ATP8A2: variants seen among roughly 807,000 people sequenced by gnomAD.
ATP8A2 encodes ATPase phospholipid transporting 8A2, also known as phospholipid-transporting ATPase IB.
A neutral mutation model predicts 165.6 loss-of-function variants in ATP8A2; 100 were observed. The ratio of observed to expected loss-of-function variants is 0.60; its 90% confidence interval spans 0.51 to 0.71. The LOEUF is 0.71. Among genes scored for constraint, ATP8A2 ranks in the 30% least tolerant of loss-of-function variants. The pLI, the probability that ATP8A2 is intolerant of heterozygous loss-of-function variation, is 0.00. For missense variants in ATP8A2, 1,227 were observed against 1,479.5 expected, an observed-to-expected ratio of 0.83 and a Z score of 2.80; for synonymous variants, 543 against 548.8, an observed-to-expected ratio of 0.99 and a Z score of 0.15.
chr13:25,883,089 C>A (rs866368641), intron 33 of ATP8A2, among the ~76,000 whole-genome samples: 1 of 152,164 alleles, frequency 6.6e-6, no homozygotes, highest in South Asian at 2.1e-4. Context: ...CAGCCCTGCT[C>A]AAGATCACAC....
intron 1 of ATP8A2, among the ~76,000 whole-genome samples, chr13:25,418,280 T>C (rs1335223211): frequency 1.3e-5 from 2 of 152,196 alleles, no homozygotes; most frequent in South Asian, 2.1e-4. Flanking sequence ...AAAGGCTCTA[T>C]GTTAAAGCAG....
intron 33 of ATP8A2, among the ~76,000 whole-genome samples, chr13:25,914,975 C>T (rs892158065): frequency 4.6e-5 from 7 of 152,304 alleles, no homozygotes; most frequent in East Asian, 1.9e-4. Context: ...GTTAAGGTTT[C>T]GCCATGAAAG....
intron 35 of ATP8A2, among the ~76,000 whole-genome samples, chr13:25,975,853 T>C (rs1956024166): frequency 1.3e-5 from 2 of 152,186 alleles, no homozygotes; most frequent in Non-Finnish European, 2.9e-5. Context: ...ATACACAGCA[T>C]GCTTGTTTAT....
chr13:25,381,844 A>G (rs1385688790), intron 1 of ATP8A2, among the ~76,000 whole-genome samples: 1 of 152,168 alleles, frequency 6.6e-6, no homozygotes, highest in African/African-American at 2.4e-5. Context: ...ACGCAGGATG[A>G]TATGTTGACA....
At position 25,825,145 on chromosome 13, in the gene ATP8A2, C is replaced by CTT. The variant is rs60778003; in HGVS notation, c.2680-2945_2680-2944dup. 6.2e-4 allele frequency among the ~76,000 whole-genome samples: 17 copies of CTT among 27,508 alleles called. 6 individuals are homozygous for CTT. Among genetic ancestry groups the CTT allele is most frequent in the South Asian group, 3.9e-3 (2 of 514 alleles). The allele number at this position is 27,508 out of a possible 152,430, so 18.0% of individuals were successfully genotyped here. On this transcript the variant is annotated intron_variant, in intron 27 of 36. Coordinates refer to ENST00000381655, the MANE Select transcript of ATP8A2 (RefSeq NM_016529.6). ...CATAGTTTCATTGTGTATGTGTTTG[C>CTT]TTTTTTTTTTTTTTTTTTTTTTTTT...
chr13:25,582,974 A>G (rs1176793214), intron 23 of ATP8A2, among the ~76,000 whole-genome samples: 3 of 152,334 alleles, frequency 2.0e-5, no homozygotes, highest in African/African-American at 7.2e-5. Flanking sequence ...CTCACAAGAG[A>G]GTAACATAGG....
chr13:25,964,654 C>T (rs1243323670), intron 34 of ATP8A2, among the ~76,000 whole-genome samples: 1 of 152,136 alleles, frequency 6.6e-6, no homozygotes, highest in Non-Finnish European at 1.5e-5. Context: ...TCTACTGAGG[C>T]ACGATATCTG....
intron 35 of ATP8A2, among the ~76,000 whole-genome samples, chr13:25,983,510 G>T (rs745666258): frequency 1.1e-4 from 16 of 152,294 alleles, no homozygotes; most frequent in South Asian, 2.1e-4. Context: ...AAAAATGCCT[G>T]TGAGTAGGCA....
At position 25,400,065 on chromosome 13, in the gene ATP8A2, G is replaced by A. The variant is rs1566105547; in HGVS notation, c.76+27777G>A. Among the ~76,000 whole-genome samples, 3 of 63,830 alleles carry A rather than the reference G, an allele frequency of 4.7e-5. No homozygotes were observed. In the South Asian group the frequency reaches 1.4e-3, roughly 30 times the overall value. The allele number at this position is 63,830 out of a possible 152,430, so 41.9% of individuals were successfully genotyped here. A position where few individuals can be genotyped will look rare whatever the true frequency, so the allele number is the denominator to read the frequency against. On this transcript the variant is annotated intron_variant, in intron 1 of 36. Coordinates refer to ENST00000381655, the MANE Select transcript of ATP8A2 (RefSeq NM_016529.6). Reference sequence around the variant, plus strand: ...AGCCTCCCAAGTAGCTGGGTCTACAGGCACACACTGCCACGCCCAGCTAAT... The same window carrying A: ...AGCCTCCCAAGTAGCTGGGTCTACAAGCACACACTGCCACGCCCAGCTAAT...
intron 24 of ATP8A2, among the ~76,000 whole-genome samples, chr13:25,598,707 C>T (rs1318591953): frequency 1.3e-5 from 2 of 151,974 alleles, no homozygotes; most frequent in Non-Finnish European, 2.9e-5. Flanking sequence ...ACTTCTTTGT[C>T]ATTTATGGGT....
At chr13:26,005,768 T>G (rs151333257) in intron 35 of ATP8A2, among the ~76,000 whole-genome samples, 1,813 of 152,146 alleles carry the variant, frequency 0.012, 24 homozygotes, top group Middle Eastern at 0.037. Context: ...GCTGGAGAGA[T>G]TATTCTTTTA....
At chr13:25,413,880 CT>C (rs1229298571) in intron 1 of ATP8A2, among the ~76,000 whole-genome samples, 2 of 151,914 alleles carry the variant, frequency 1.3e-5, no homozygotes, top group African/African-American at 4.8e-5. Flanking sequence ...TTTTTTATTT[CT>C]TTGATGACTG....
chr13:25,699,724 G>A, intron 25 of ATP8A2, among the ~76,000 whole-genome samples: 1 of 152,130 alleles, frequency 6.6e-6, no homozygotes, highest in East Asian at 1.9e-4. Context: ...TTCTTTTCTG[G>A]CGTTTGTTGG....
At chr13:25,891,511 C>T (rs1004017624) in intron 33 of ATP8A2, among the ~76,000 whole-genome samples, 7 of 151,986 alleles carry the variant, frequency 4.6e-5, no homozygotes, top group East Asian at 1.9e-4. Context: ...TTGGTAGAGA[C>T]GGGGTTTCAC....
At chr13:25,754,496 T>C (rs1022769837) in intron 25 of ATP8A2, among the ~76,000 whole-genome samples, 6 of 152,154 alleles carry the variant, frequency 3.9e-5, no homozygotes, top group African/African-American at 1.4e-4. Flanking sequence ...TTTTCAATAA[T>C]GTTGAAACAT....
At chr13:25,440,978 G>A (rs576225608) in intron 1 of ATP8A2, among the ~76,000 whole-genome samples, 1 of 152,178 alleles carries the variant, frequency 6.6e-6, no homozygotes, top group Non-Finnish European at 1.5e-5. Flanking sequence ...TCCAGCAATT[G>A]TATGTGAAAA....
At position 25,581,856 on chromosome 13, in the gene ATP8A2, G is replaced by A. The variant is rs777646390; in HGVS notation, c.2045G>A (p.Arg682His). 69 of 1,613,854 alleles carry A rather than the reference G, an allele frequency of 4.3e-5. No individual in the cohort carries two copies. In the South Asian group the frequency reaches 7.0e-4, roughly 16 times the overall value. ...CTTGGAGCCACAGCCATAGAAGATC[G>A]CCTTCAAGCAGGAGTTCCAGAAACC... Reference protein sequence around the residue: ...LLLGATAIEDRLQAGVPETIA... With the variant: ...LLLGATAIEDHLQAGVPETIA... Residue 682 changes from arginine (R) to histidine (H), a missense_variant, in exon 23 of 37, where the codon CGC becomes CAC. By Grantham distance (29) the Arg-to-His change is conservative. Transcript: ENST00000381655.
chr13:25,468,967 G>A lies in ATP8A2; in HGVS notation c.77-10G>A. 1.2e-6 allele frequency: 2 copies of A among 1,613,384 alleles called. No homozygotes were observed. Among genetic ancestry groups the A allele is most frequent in the Non-Finnish European group, 1.7e-6 (2 of 1,179,520 alleles). On this transcript the variant is annotated splice_polypyrimidine_tract_variant and intron_variant, in intron 1 of 36. Coordinates refer to ENST00000381655, the MANE Select transcript of ATP8A2 (RefSeq NM_016529.6). ...GTGTCGTATTCTCTGCCTGCGCCCT[G>A]TCTCTGCAGGACCTGTTCGTTCTTC...
chr13:25,589,539 A>G (rs914191698), intron 23 of ATP8A2, 96 bp from the exon 24 acceptor site: 11 of 862,560 alleles, frequency 1.3e-5, no homozygotes, highest in Admixed American at 7.7e-5. Flanking sequence ...GTGTGAGCCA[A>G]TAGGCTTAAA....
Sources: allele counts gnomAD v4.1 joint callset (sites outside exome capture counted in the v4.1 genomes callset), GRCh38; gene constraint gnomAD v4.1.1; transcripts MANE v1.5; gene names NCBI Gene and HGNC (gene_info 2026-07-23, HGNC 2026-07-21).